HDAC9: variants seen among roughly 807,000 people sequenced by gnomAD.
HDAC9 encodes the protein MEF-2 interacting transcription repressor (MITR) protein.
A neutral mutation model predicts 139.4 loss-of-function variants in HDAC9; 41 were observed. That is an observed-to-expected ratio of 0.29 (90% CI 0.23 to 0.38). The LOEUF (loss-of-function observed/expected upper bound fraction) is 0.38. Ranked by LOEUF, HDAC9 falls within the 10% of genes least tolerant of loss-of-function variation. The pLI, the probability that HDAC9 is intolerant of heterozygous loss-of-function variation, is 1.00. For missense variants in HDAC9, 1,147 were observed against 1,297.0 expected, an observed-to-expected ratio of 0.88 and a Z score of 1.78; for synonymous variants, 517 against 476.2, an observed-to-expected ratio of 1.09 and a Z score of -1.12.
rs757237935 is a variant in HDAC9, at chr7:18,749,089, A to G, written c.1994A>G (p.Gln665Arg). Residue 665 changes from glutamine to arginine, a missense_variant, in exon 14 of 26, where the codon CAG (glutamine) becomes CGG (arginine). By Grantham distance (43) the Gln-to-Arg change is conservative. Transcript: ENST00000686413. ...CACCCTGAGCATGCTGGACGAATACAGAGTATCTGGTCACGACTGCAAGAA... is the reference window on the plus strand; with the variant it reads ...CACCCTGAGCATGCTGGACGAATACGGAGTATCTGGTCACGACTGCAAGAA... ...TTHPEHAGRI[Q>R]SIWSRLQETG... 2.5e-6 allele frequency: 4 copies of G among 1,613,796 alleles called. No individual in the cohort carries two copies. Among genetic ancestry groups the G allele is most frequent in the Admixed American group, 1.7e-5 (1 of 59,960 alleles).
At chr7:18,921,240 A>G (rs1390030965) in intron 22 of HDAC9, among the ~76,000 whole-genome samples, 1 of 152,200 alleles carries the variant, frequency 6.6e-6, no homozygotes, top group Non-Finnish European at 1.5e-5. Context: ...ATGGGATCTA[A>G]TTAGACTAAA....
chr7:18,654,973 C>T (rs1209396186), intron 11 of HDAC9, among the ~76,000 whole-genome samples: 12 of 152,276 alleles, frequency 7.9e-5, no homozygotes, highest in African/African-American at 2.2e-4. Flanking sequence ...ATTCCTTTCT[C>T]GCATGTTGTC....
intron 1 of HDAC9, among the ~76,000 whole-genome samples, chr7:18,324,213 G>A (rs1800259652): frequency 6.6e-6 from 1 of 152,112 alleles, no homozygotes; most frequent in Admixed American, 6.5e-5. Flanking sequence ...GATGAGGAAG[G>A]CTTTCCCTGA....
intron 12 of HDAC9, among the ~76,000 whole-genome samples, chr7:18,727,359 A>T (rs1785629585): frequency 6.6e-6 from 1 of 152,236 alleles, no homozygotes; most frequent in South Asian, 2.1e-4. Context: ...CTCCTTAGCC[A>T]GGCAGACAGG....
intron 2 of HDAC9, among the ~76,000 whole-genome samples, chr7:18,173,966 C>T (rs1388015981): frequency 3.3e-5 from 5 of 152,006 alleles, no homozygotes; most frequent in East Asian, 3.9e-4. Flanking sequence ...TGATGTTCTC[C>T]GTATTTCCTG....
chr7:18,197,788 G>A lies in HDAC9; in HGVS notation c.25+35439G>A, dbSNP rs553885279. Among the ~76,000 whole-genome samples the A allele has an allele frequency of 9.9e-5, 15 of 152,258 alleles. No homozygotes were observed. In the South Asian group the frequency reaches 3.1e-3, roughly 32 times the overall value. On this transcript the variant is annotated intron_variant, in intron 2 of 12. Transcript: ENST00000417496. ...TAAGTGTTGTACTTCAGATATTTGA[G>A]ATTTGTAGACATTGTTTTTTCTTCA... is the stretch of plus-strand genomic sequence containing the variant.
chr7:18,413,301 C>T (rs1468164373), intron 1 of HDAC9, among the ~76,000 whole-genome samples: 2 of 152,016 alleles, frequency 1.3e-5, no homozygotes, highest in Admixed American at 6.6e-5. Flanking sequence ...TATAATATAC[C>T]ACTGGTTCTC....
chr7:18,496,144 C>A, intron 1 of HDAC9, 118 bp from the exon 2 acceptor site: 2 of 1,398,008 alleles, frequency 1.4e-6, no homozygotes, highest in Non-Finnish European at 2.0e-6. Flanking sequence ...GGAGAACCAG[C>A]GAGGGTAGCT....
intron 1 of HDAC9, among the ~76,000 whole-genome samples, chr7:18,357,910 T>C (rs1375727842): frequency 6.6e-6 from 1 of 152,122 alleles, no homozygotes; most frequent in African/African-American, 2.4e-5. Flanking sequence ...CTAGGTTGAG[T>C]GATGCCTCCA....
At chr7:18,755,627 T>G (rs17139817) in intron 14 of HDAC9, among the ~76,000 whole-genome samples, 13,281 of 152,114 alleles carry the variant, frequency 0.087, 875 homozygotes, top group East Asian at 0.25. Context: ...TTGTGAAAAT[T>G]GAGCAGTTAG....
chr7:18,223,391 A>G (rs1317057699), intron 2 of HDAC9, among the ~76,000 whole-genome samples: 2 of 138,584 alleles, frequency 1.4e-5, no homozygotes, highest in South Asian at 4.5e-4. Flanking sequence ...ACCCCGGTCA[A>G]TTTTTTTTTT....
intron 2 of HDAC9, among the ~76,000 whole-genome samples, chr7:18,205,497 A>G (rs992727104): frequency 1.1e-4 from 17 of 152,056 alleles, no homozygotes; most frequent in South Asian, 6.2e-4. Context: ...ATTATACTAT[A>G]ATGCTACAAA....
chr7:18,318,765 T>C (rs1033680373), intron 1 of HDAC9, among the ~76,000 whole-genome samples: 2 of 152,216 alleles, frequency 1.3e-5, no homozygotes, highest in South Asian at 2.1e-4. Context: ...CACAGAATTA[T>C]GTGAAATACC....
chr7:18,311,234 G>A (rs1341059611), intron 1 of HDAC9, among the ~76,000 whole-genome samples: 1 of 151,922 alleles, frequency 6.6e-6, no homozygotes. Context: ...TATTCACACA[G>A]CCTACTTATG....
At chr7:18,733,219 G>T (rs570164047) in intron 13 of HDAC9, among the ~76,000 whole-genome samples, 1 of 145,996 alleles carries the variant, frequency 6.8e-6, no homozygotes. Flanking sequence ...GTGTCTATAC[G>T]TATATACACA....
At chr7:18,356,358 G>GTTTT (rs5882659) in intron 1 of HDAC9, among the ~76,000 whole-genome samples, 5,519 of 55,098 alleles carry the variant, frequency 0.1, 1,085 homozygotes, top group African/African-American at 0.13. Flanking sequence ...CAGCACATAG[G>GTTTT]TTTTTTTTTT....
At chr7:18,787,606 G>C (rs1030871972) in intron 16 of HDAC9, among the ~76,000 whole-genome samples, 5 of 152,158 alleles carry the variant, frequency 3.3e-5, no homozygotes, top group Non-Finnish European at 5.9e-5. Flanking sequence ...GATTCCAGAG[G>C]AATCTGAAGG....
At chr7:18,173,543 A>T (rs550475397) in intron 2 of HDAC9, among the ~76,000 whole-genome samples, 27 of 152,280 alleles carry the variant, frequency 1.8e-4, no homozygotes, top group African/African-American at 6.5e-4. Flanking sequence ...GTTTCTTCCT[A>T]GCATTGACGG....
chr7:18,824,106 A>G (rs1467784398), intron 17 of HDAC9, among the ~76,000 whole-genome samples: 1 of 152,046 alleles, frequency 6.6e-6, no homozygotes, highest in Non-Finnish European at 1.5e-5. Context: ...CAAGAAGGAG[A>G]AGAAGAAGAG....
Sources: gnomAD v4.1 joint callset for allele counts (sites outside exome capture counted in the v4.1 genomes callset) on GRCh38, gnomAD v4.1.1 for gene constraint, MANE v1.5 for transcripts, NCBI Gene and HGNC (gene_info 2026-07-23, HGNC 2026-07-21) for gene names.